The following CPLANE1 variants were observed in gnomAD, a reference collection of about 807,000 sequenced individuals.
The protein encoded by CPLANE1 is ciliogenesis and planar polarity effector 1.
Under a neutral mutation model 362.5 loss-of-function variants are expected in CPLANE1, and 263 were observed. The observed-to-expected ratio is 0.73, with a 90% confidence interval of 0.66 to 0.80. The LOEUF (loss-of-function observed/expected upper bound fraction) is 0.80. CPLANE1 is among the 30% of genes least tolerant of loss of function. The probability of loss-of-function intolerance (pLI) is 0.00; values close to 1 mark genes in which losing one functional copy is unlikely to be tolerated. For synonymous variants in CPLANE1, 1,212 were observed against 1,302.6 expected, an observed-to-expected ratio of 0.93 and a Z score of 1.50; for missense variants, 3,461 against 3,793.4, an observed-to-expected ratio of 0.91 and a Z score of 2.30.
chr5:37,176,088 C>T, intron 30 of CPLANE1, 102 bp from the exon 31 acceptor site: 1 of 729,398 alleles, frequency 1.4e-6, no homozygotes, highest in Non-Finnish European at 2.4e-6. Context: ...TAAACATCCT[C>T]TAATCTTCTA....
the CPLANE1 span, among the ~76,000 whole-genome samples, chr5:37,092,099 T>G: frequency 0.018 from 2,746 of 152,346 alleles, 38 homozygotes; most frequent in Non-Finnish European, 0.027. Flanking sequence ...TACACTCTAC[T>G]GGCTCTTATC....
At chr5:37,205,553 G>A (rs533528894) in intron 17 of CPLANE1, 99 bp from the exon 18 acceptor site, 103 of 804,552 alleles carry the variant, frequency 1.3e-4, no homozygotes, top group Non-Finnish European at 1.7e-4. Context: ...AAGAAACAAT[G>A]GAATTTACTT....
chr5:37,210,469 T>C (rs772979719), intron 16 of CPLANE1: 66 of 1,113,072 alleles, frequency 5.9e-5, no homozygotes, highest in Non-Finnish European at 7.5e-5. Context: ...AATCGACTGA[T>C]TGAAGATGAA....
At position 37,144,417 on chromosome 5, in the gene CPLANE1, A is replaced by G. The variant is rs1404470514; in HGVS notation, c.8462-1937T>C. The stretch of plus-strand genomic sequence containing the variant: ...TTGTCTAAAAAAAAAAAAAAAAAAA[A>G]AAGAAGTGGATGCAAGAAGCAACTG... On this transcript the variant is annotated intron_variant, in intron 43 of 52. Coordinates refer to ENST00000651892, the MANE Select transcript of CPLANE1 (RefSeq NM_001384732.1). Among the ~76,000 whole-genome samples, 4 of 151,670 alleles carry G rather than the reference A, an allele frequency of 2.6e-5. No individual in the cohort carries two copies. The South Asian group carries it at 6.3e-4, about 24-fold the overall frequency.
chr5:37,088,646 T>C, the CPLANE1 span, among the ~76,000 whole-genome samples: 4 of 152,190 alleles, frequency 2.6e-5, no homozygotes, highest in Non-Finnish European at 5.9e-5. Flanking sequence ...CGCTCGCAAC[T>C]GGGGCAATGC....
At chr5:37,138,417 C>G in intron 46 of CPLANE1, 2 of 455,914 alleles carry the variant, frequency 4.4e-6, no homozygotes, top group Non-Finnish European at 8.4e-6. Flanking sequence ...AAAATGTATT[C>G]TAAGCGTTAA....
chr5:37,169,424 C>A lies in CPLANE1; in HGVS notation c.6600G>T (p.Leu2200Phe), dbSNP rs762568486. 2.5e-6 allele frequency: 4 copies of A among 1,613,982 alleles called. No homozygotes were observed. The highest frequency in any genetic ancestry group is 1.3e-5 in the African/African-American group (1 of 74,886). The change falls in exon 34 of 53, where the codon TTG becomes TTT. Residue 2200 changes from leucine to phenylalanine, a missense_variant. By Grantham distance (22) the Leu-to-Phe change is conservative. Transcript: ENST00000651892. ...APAGNTHLYL[L>F]STPSVVQKAP... ...CCTTCTGAACAACAGAAGGTGTGGA[C>A]AAAAGGTAGAGGTGAGTATTTCCAG...
intron 51 of CPLANE1, among the ~76,000 whole-genome samples, chr5:37,113,268 G>A (rs1759867349): frequency 6.6e-6 from 1 of 152,136 alleles, no homozygotes; most frequent in Non-Finnish European, 1.5e-5. Context: ...TCATGCTGCT[G>A]GTCTTGTGAT....
At chr5:37,127,426 A>C (rs998311012) in intron 46 of CPLANE1, among the ~76,000 whole-genome samples, 2 of 152,138 alleles carry the variant, frequency 1.3e-5, no homozygotes, top group Non-Finnish European at 2.9e-5. Context: ...GAGGACTTAA[A>C]ACTAATATAC....
At position 37,165,691 on chromosome 5, in the gene CPLANE1, A is replaced by G; in HGVS notation, c.7401-20T>C. On this transcript the variant is annotated intron_variant, in intron 35 of 52. Coordinates refer to ENST00000651892, the MANE Select transcript of CPLANE1 (RefSeq NM_001384732.1). Reference sequence around the variant, plus strand: ...CTTTGCCTGTTAAACATAATAGCATAAAACATACTTTTACAACTATAGCAA... The same window carrying G: ...CTTTGCCTGTTAAACATAATAGCATGAAACATACTTTTACAACTATAGCAA... 1 of 1,582,336 alleles carries G rather than the reference A, an allele frequency of 6.3e-7. No homozygotes were observed. The highest frequency in any genetic ancestry group is 8.5e-7 in the Non-Finnish European group (1 of 1,170,806).
intron 21 of CPLANE1, among the ~76,000 whole-genome samples, chr5:37,191,798 TA>T (rs1785621781): frequency 6.6e-6 from 1 of 152,244 alleles, no homozygotes; most frequent in African/African-American, 2.4e-5. Flanking sequence ...TATGCCACTG[TA>T]TGTCTCTTCA....
chr5:37,245,699 T>A lies in CPLANE1; in HGVS notation c.217+11A>T. 6.7e-7 allele frequency: 1 copy of A among 1,498,582 alleles called. No homozygotes were observed. Among genetic ancestry groups the A allele is most frequent in the Non-Finnish European group, 8.9e-7 (1 of 1,125,364 alleles). The allele number at this position is 1,498,582 out of a possible 1,614,324, so 92.8% of individuals were successfully genotyped here. On this transcript the variant is annotated intron_variant, in intron 3 of 52. Transcript: ENST00000651892. The stretch of plus-strand genomic sequence containing the variant: ...AGTTTTAGCCATTTGAAAATATCAG[T>A]ACTACTTAACCATTACTGGATGTTG...
intron 28 of CPLANE1, 38 bp from the exon 29 acceptor site, chr5:37,179,481 T>TA (rs779928769): frequency 1.4e-6 from 2 of 1,419,736 alleles, no homozygotes; most frequent in Non-Finnish European, 9.8e-7. Flanking sequence ...ACTGATCATT[T>TA]AAAAAATAAG....
intron 29 of CPLANE1, 131 bp downstream of exon 29, chr5:37,179,230 A>G (rs186574551): frequency 1.1e-5 from 7 of 641,772 alleles, no homozygotes; most frequent in Middle Eastern, 4.3e-4. Context: ...GCTATATTCT[A>G]CAACCCATGG....
chr5:37,177,763 G>A (rs1270758101), intron 29 of CPLANE1, 63 bp from the exon 30 acceptor site: 2 of 1,263,344 alleles, frequency 1.6e-6, no homozygotes, highest in African/African-American at 1.5e-5. Flanking sequence ...ACTGTCTTGA[G>A]TATTTTGAGT....
At chr5:37,131,579 G>A (rs1050883891) in intron 46 of CPLANE1, among the ~76,000 whole-genome samples, 2 of 151,702 alleles carry the variant, frequency 1.3e-5, no homozygotes, top group African/African-American at 4.8e-5. Context: ...CGCCCAGGCT[G>A]GAGTGCAGTG....
chr5:37,086,559 TA>T, the CPLANE1 span, among the ~76,000 whole-genome samples: 1 of 152,244 alleles, frequency 6.6e-6, no homozygotes, highest in Non-Finnish European at 1.5e-5. Flanking sequence ...TTTATCTAAA[TA>T]GCTTGTTTAC....
intron 51 of CPLANE1, among the ~76,000 whole-genome samples, chr5:37,112,125 G>C (rs573815828): frequency 4.6e-5 from 7 of 152,306 alleles, no homozygotes; most frequent in African/African-American, 1.7e-4. Context: ...TTGGCATCTA[G>C]ACATCGACAT....
intron 25 of CPLANE1, 103 bp from the exon 26 acceptor site, chr5:37,183,802 A>G (rs1783277464): frequency 1.3e-6 from 1 of 789,916 alleles, no homozygotes; most frequent in Admixed American, 3.2e-5. Flanking sequence ...TAAGTCATGT[A>G]TATTTTGTGT....
Sources: allele counts gnomAD v4.1 joint callset (sites outside exome capture counted in the v4.1 genomes callset), GRCh38; gene constraint gnomAD v4.1.1; transcripts MANE v1.5; gene names NCBI Gene and HGNC (gene_info 2026-07-23, HGNC 2026-07-21).